The following EXOC4 variants were observed in gnomAD, a reference collection of about 807,000 sequenced individuals.
EXOC4 encodes the protein SEC8-like 1.
In EXOC4, 71 loss-of-function variants were observed where a neutral mutation model predicts 107.2. The observed-to-expected ratio is 0.66, with a 90% CI of 0.55 to 0.81. The LOEUF is 0.81. Among genes scored for constraint, EXOC4 ranks in the 30% least tolerant of loss-of-function variants. The probability of loss-of-function intolerance (pLI) is 0.00; values close to 1 mark genes in which losing one functional copy is unlikely to be tolerated. For synonymous variants in EXOC4, 456 were observed against 441.2 expected (o/e 1.03, Z -0.42); for missense variants, 1,108 against 1,189.6 (o/e 0.93, Z 1.01).
chr7:133,640,179 A>G (rs1802818915), intron 10 of EXOC4, among the ~76,000 whole-genome samples: 3 of 152,174 alleles, frequency 2.0e-5, no homozygotes, highest in South Asian at 2.1e-4. Context: ...ACCCTAGAAG[A>G]CTTGCTTATA....
the EXOC4 span, among the ~76,000 whole-genome samples, chr7:134,077,404 C>T: frequency 3.3e-5 from 5 of 152,178 alleles, no homozygotes; most frequent in Admixed American, 3.3e-4. Context: ...TAAGCCCTTC[C>T]AGAAACACCC....
At chr7:134,039,346 C>G (rs1406533682) in intron 17 of EXOC4, among the ~76,000 whole-genome samples, 1 of 152,048 alleles carries the variant, frequency 6.6e-6, no homozygotes, top group East Asian at 1.9e-4. Context: ...AAATTATATG[C>G]AAAATCTGTG....
chr7:133,569,967 A>G (rs1004897227), intron 9 of EXOC4, among the ~76,000 whole-genome samples: 5 of 152,184 alleles, frequency 3.3e-5, no homozygotes, highest in African/African-American at 1.2e-4. Flanking sequence ...TAATTTTTAT[A>G]AGATAATGGC....
At chr7:133,542,044 C>T (rs1800390735) in intron 9 of EXOC4, among the ~76,000 whole-genome samples, 1 of 152,022 alleles carries the variant, frequency 6.6e-6, no homozygotes, top group Non-Finnish European at 1.5e-5. Flanking sequence ...ATTTTAAGAA[C>T]TTATTTTAAA....
At chr7:133,735,492 G>A (rs979389851) in intron 10 of EXOC4, among the ~76,000 whole-genome samples, 5 of 151,954 alleles carry the variant, frequency 3.3e-5, no homozygotes, top group Non-Finnish European at 4.4e-5. Flanking sequence ...AGAAGATTAT[G>A]TACCTGCCTC....
intron 9 of EXOC4, among the ~76,000 whole-genome samples, chr7:133,585,860 A>T (rs1043844303): frequency 2.6e-5 from 4 of 151,776 alleles, no homozygotes; most frequent in Non-Finnish European, 1.5e-5. Context: ...CACCCAGCTA[A>T]TTTTTTGTAT....
At chr7:133,869,152 A>G (rs985259939) in intron 11 of EXOC4, among the ~76,000 whole-genome samples, 1 of 151,910 alleles carries the variant, frequency 6.6e-6, no homozygotes, top group Non-Finnish European at 1.5e-5. Context: ...CGGCACTCAT[A>G]TATACCTCCT....
chr7:133,441,761 A>G (rs1347936777), intron 7 of EXOC4, among the ~76,000 whole-genome samples: 1 of 152,176 alleles, frequency 6.6e-6, no homozygotes, highest in Non-Finnish European at 1.5e-5. Context: ...ATCTTCTAAG[A>G]TATATGGCTT....
At chr7:133,486,832 A>G (rs1482895946) in intron 9 of EXOC4, among the ~76,000 whole-genome samples, 1 of 152,186 alleles carries the variant, frequency 6.6e-6, no homozygotes, top group African/African-American at 2.4e-5. Context: ...AAGTTATAAT[A>G]GAATTTTTAC....
intron 10 of EXOC4, among the ~76,000 whole-genome samples, chr7:133,771,112 G>A (rs1489126200): frequency 2.6e-5 from 4 of 151,930 alleles, no homozygotes; most frequent in African/African-American, 9.7e-5. Context: ...CAGAACTGAA[G>A]TTACAGCCAA....
intron 1 of EXOC4, 32 bp downstream of exon 1, chr7:133,253,219 TG>T: frequency 6.2e-7 from 1 of 1,605,374 alleles, no homozygotes; most frequent in Non-Finnish European, 8.5e-7. Flanking sequence ...GTCTGGGGAC[TG>T]GGGGCAGCGG....
intron 11 of EXOC4, among the ~76,000 whole-genome samples, chr7:133,867,684 T>C (rs1237464924): frequency 6.6e-6 from 1 of 152,182 alleles, no homozygotes; most frequent in Non-Finnish European, 1.5e-5. Context: ...TTGACTTAAA[T>C]GTGATGCATA....
At chr7:133,533,371 A>G (rs1191951184) in intron 9 of EXOC4, among the ~76,000 whole-genome samples, 2 of 152,136 alleles carry the variant, frequency 1.3e-5, no homozygotes, top group Non-Finnish European at 2.9e-5. Flanking sequence ...TGATGGAATG[A>G]CAGCCTGTGC....
At chr7:133,606,730 A>G (rs6971217) in intron 9 of EXOC4, among the ~76,000 whole-genome samples, 3,552 of 151,774 alleles carry the variant, frequency 0.023, 142 homozygotes, top group African/African-American at 0.082. Flanking sequence ...TGGCCAGGCT[A>G]GTCTCGAACT....
At chr7:133,828,816 G>A (rs544752012) in intron 11 of EXOC4, among the ~76,000 whole-genome samples, 6 of 152,272 alleles carry the variant, frequency 3.9e-5, no homozygotes, top group African/African-American at 1.2e-4. Flanking sequence ...TGCTAGACAA[G>A]GTGATGTGGG....
At chr7:133,765,263 T>TAA (rs1329316489) in intron 10 of EXOC4, among the ~76,000 whole-genome samples, 1 of 152,072 alleles carries the variant, frequency 6.6e-6, no homozygotes, top group East Asian at 1.9e-4. Flanking sequence ...TTTCAGGATT[T>TAA]AACATTTAAA....
intron 10 of EXOC4, among the ~76,000 whole-genome samples, chr7:133,694,946 C>T (rs1204098485): frequency 1.3e-5 from 2 of 152,166 alleles, no homozygotes; most frequent in African/African-American, 4.8e-5. Context: ...CCTCAGCCTC[C>T]CGAGTAGCTG....
intron 14 of EXOC4, among the ~76,000 whole-genome samples, chr7:133,945,176 A>G (rs1053387094): frequency 6.6e-5 from 10 of 152,190 alleles, no homozygotes; most frequent in African/African-American, 2.2e-4. Context: ...CCCCAGACCA[A>G]TCAAATCAGA....
rs571372757 is a variant in EXOC4 at position 133,433,502 on chromosome 7, G to A, written c.1183-41826G>A. ...GGCTCTGGACCTGATCTGCAGCTTG[G>A]TACCAAGCCCAGTGTAGTCCAGCCT... On this transcript the variant is annotated intron_variant, in intron 7 of 17. Transcript: ENST00000253861. 5.4e-4 allele frequency among the ~76,000 whole-genome samples: 82 copies of A among 152,290 alleles called. No individual in the cohort carries two copies. In the Middle Eastern group the frequency reaches 0.01, roughly 19 times the overall value.
Sources: allele counts gnomAD v4.1 joint callset (sites outside exome capture counted in the v4.1 genomes callset), GRCh38; gene constraint gnomAD v4.1.1; transcripts MANE v1.5; gene names NCBI Gene and HGNC (gene_info 2026-07-23, HGNC 2026-07-21).